Variants in NTNG2 observed in about 807,000 individuals in gnomAD.
The protein encoded by NTNG2 is netrin G2.
Under a neutral mutation model 47.6 loss-of-function variants are expected in NTNG2, and 15 were observed. The observed-to-expected ratio is 0.32, with a 90% CI of 0.21 to 0.49. NTNG2 has a LOEUF of 0.49. NTNG2 is among the 20% of genes least tolerant of loss of function. NTNG2 has a pLI of 0.99. For synonymous variants in NTNG2, 307 were observed against 324.6 expected, an observed-to-expected ratio of 0.95 and a Z score of 0.58; for missense variants, 578 against 764.6, an observed-to-expected ratio of 0.76 and a Z score of 2.88.
In NTNG2 at chr9:132,166,588, G is replaced by C; in HGVS notation, c.-244G>C. 1 of 550,168 alleles carries C rather than the reference G, an allele frequency of 1.8e-6. No homozygotes were observed. Among genetic ancestry groups the C allele is most frequent in the South Asian group, 2.1e-5 (1 of 48,270 alleles). The allele number at this position is 550,168 out of a possible 1,614,324, so 34.1% of individuals were successfully genotyped here. ...AGGGTTAGGAGGACGTGAAGTTATG[G>C]GCAACTTTCTGATCTGTCCATCAGC... On this transcript the variant is annotated 5_prime_UTR_variant, in exon 2 of 8. Transcript: ENST00000393229.
chr9:132,203,875 G>A (rs1370458556), intron 3 of NTNG2, among the ~76,000 whole-genome samples: 1 of 152,202 alleles, frequency 6.6e-6, no homozygotes, highest in Admixed American at 6.5e-5. Flanking sequence ...CTCCAGGAAG[G>A]CAGCCCAGCG....
intron 2 of NTNG2, among the ~76,000 whole-genome samples, chr9:132,188,804 G>A (rs4962057): frequency 0.036 from 5,460 of 152,212 alleles, 158 homozygotes; most frequent in Admixed American, 0.093. Flanking sequence ...CTCATTGAGC[G>A]TTCATTCATT....
At chr9:132,202,320 C>T (rs2130765485) in intron 3 of NTNG2, among the ~76,000 whole-genome samples, 1 of 152,206 alleles carries the variant, frequency 6.6e-6, no homozygotes, top group East Asian at 1.9e-4. Flanking sequence ...CAGCTGCAGC[C>T]AGCCCAGGGC....
chr9:132,220,851 G>T (rs1230118034), intron 3 of NTNG2, among the ~76,000 whole-genome samples: 1 of 151,842 alleles, frequency 6.6e-6, no homozygotes, highest in Admixed American at 6.6e-5. Context: ...CTTTTTACGT[G>T]GGTCTCCCAT....
intron 3 of NTNG2, among the ~76,000 whole-genome samples, chr9:132,224,663 G>C (rs1185556469): frequency 1.3e-5 from 2 of 152,168 alleles, no homozygotes; most frequent in African/African-American, 4.8e-5. Flanking sequence ...TAAACCCATT[G>C]CTCTGCAATT....
intron 3 of NTNG2, among the ~76,000 whole-genome samples, chr9:132,225,643 G>A (rs1218933581): frequency 6.6e-6 from 1 of 152,122 alleles, no homozygotes; most frequent in Non-Finnish European, 1.5e-5. Flanking sequence ...GTAAACATTA[G>A]TATCTAATAT....
At chr9:132,187,601 C>A (rs969649733) in intron 2 of NTNG2, among the ~76,000 whole-genome samples, 1 of 139,888 alleles carries the variant, frequency 7.1e-6, no homozygotes, top group Non-Finnish European at 1.6e-5. Flanking sequence ...GAGAGAGGGA[C>A]AGAAAACAAG....
At chr9:132,169,299 G>A (rs1361346038) in intron 2 of NTNG2, among the ~76,000 whole-genome samples, 4 of 152,260 alleles carry the variant, frequency 2.6e-5, no homozygotes, top group Admixed American at 1.3e-4. Context: ...CGATGAGGAC[G>A]GGGAGGCCGC....
intron 2 of NTNG2, among the ~76,000 whole-genome samples, chr9:132,194,890 C>T (rs1033413628): frequency 4.6e-5 from 7 of 152,216 alleles, no homozygotes; most frequent in African/African-American, 1.4e-4. Flanking sequence ...TGGTGGGGGC[C>T]GCGGGGCTGT....
In NTNG2 at chr9:132,236,162, A is replaced by C. The variant is rs1309102903; in HGVS notation, c.1055-2942A>C. Among the ~76,000 whole-genome samples the C allele has an allele frequency of 6.6e-6, 1 of 152,146 alleles. No individual in the cohort carries two copies. The highest frequency in any genetic ancestry group is 1.5e-5 in the Non-Finnish European group (1 of 68,008). ...TTCCTGCAGGAGCGGGGGCCATGAG[A>C]CCTCGGAGGGTGGACTGTGGTGGGT... On this transcript the variant is annotated intron_variant, in intron 5 of 7. Transcript: ENST00000393229. The surrounding 1 kb of genome is among the most constrained non-coding windows in gnomAD (Gnocchi z 4.3).
intron 3 of NTNG2, among the ~76,000 whole-genome samples, chr9:132,225,461 G>T (rs765782093): frequency 2.6e-5 from 4 of 152,030 alleles, no homozygotes; most frequent in Non-Finnish European, 5.9e-5. Context: ...GTAGAAACAG[G>T]ATCTTACTAT....
chr9:132,185,360 G>A lies in NTNG2; in HGVS notation c.214-12606G>A, dbSNP rs375337112. Among the ~76,000 whole-genome samples the A allele has an allele frequency of 2.1e-3, 318 of 152,296 alleles. 4 individuals are homozygous for A. Among genetic ancestry groups the A allele is most frequent in the African/African-American group, 7.0e-3 (292 of 41,540 alleles). ...CCAGGATCTGGGGAGGGGATCCGAG[G>A]AGAGGCAGCTACCAAGCGCCCCAGC... On this transcript the variant is annotated intron_variant, in intron 2 of 7. Coordinates refer to ENST00000393229, the MANE Select transcript of NTNG2 (RefSeq NM_032536.4).
At chr9:132,224,081 G>A (rs1176352893) in intron 3 of NTNG2, among the ~76,000 whole-genome samples, 7 of 151,826 alleles carry the variant, frequency 4.6e-5, no homozygotes, top group Non-Finnish European at 1.0e-4. Flanking sequence ...GTGGACTCCC[G>A]TGATGCCTTC....
At chr9:132,170,004 A>T (rs773352201) in intron 2 of NTNG2, among the ~76,000 whole-genome samples, 1 of 152,172 alleles carries the variant, frequency 6.6e-6, no homozygotes, top group Non-Finnish European at 1.5e-5. Context: ...TGGCGGCCAG[A>T]TGCCCACTGC....
At chr9:132,199,012 C>T (rs1838539786) in intron 3 of NTNG2, among the ~76,000 whole-genome samples, 1 of 152,120 alleles carries the variant, frequency 6.6e-6, no homozygotes, top group Non-Finnish European at 1.5e-5. Context: ...TTACCTAGCA[C>T]CTGGGACATT....
In NTNG2 at chr9:132,198,102, G is replaced by C. The variant is rs370335313; in HGVS notation, c.350G>C (p.Ser117Thr). ...AGCATCACCTGGAGCCGCTACCCCA[G>C]CCCGCTGGAAGCCAACATCACCCTT... ...WQSITWSRYPSPLEANITLSW... is the reference protein window; with the variant it reads ...WQSITWSRYPTPLEANITLSW... The change falls in exon 3 of 8, where the codon AGC becomes ACC. Residue 117 changes from serine to threonine, a missense_variant. By Grantham distance (58) the Ser-to-Thr change is moderately conservative (BLOSUM62 1). Transcript: ENST00000393229. The C allele has an allele frequency of 3.7e-6, 6 of 1,613,922 alleles. No individual in the cohort carries two copies. The highest frequency in any genetic ancestry group is 4.2e-6 in the Non-Finnish European group (5 of 1,180,022).
At position 132,226,084 on chromosome 9, in the gene NTNG2, A is replaced by G. The variant is rs1840732694; in HGVS notation, c.858-765A>G. Among the ~76,000 whole-genome samples the G allele has an allele frequency of 6.6e-6, 1 of 152,158 alleles. No individual in the cohort carries two copies. The highest frequency in any genetic ancestry group is 1.5e-5 in the Non-Finnish European group (1 of 68,030). ...GGGAAGTTCTGGGCTGGTGCGGCTCAGTGCCTGGAGCTATGCATTCATCAG... is the reference window on the plus strand; with the variant it reads ...GGGAAGTTCTGGGCTGGTGCGGCTCGGTGCCTGGAGCTATGCATTCATCAG... On this transcript the variant is annotated intron_variant, in intron 3 of 7. Coordinates refer to ENST00000393229, the MANE Select transcript of NTNG2 (RefSeq NM_032536.4). The surrounding 1 kb of genome is among the most constrained non-coding windows in gnomAD (Gnocchi z 4.8).
At chr9:132,239,703 G>T (rs1841863094) in intron 6 of NTNG2, among the ~76,000 whole-genome samples, 1 of 152,238 alleles carries the variant, frequency 6.6e-6, no homozygotes, top group Non-Finnish European at 1.5e-5. Context: ...CCCTCCTCCT[G>T]CAGGGGCCCA....
intron 2 of NTNG2, among the ~76,000 whole-genome samples, chr9:132,181,438 A>C (rs965650285): frequency 3.3e-5 from 5 of 151,302 alleles, no homozygotes; most frequent in African/African-American, 1.2e-4. Context: ...CTCCTTCCTC[A>C]GCCTCCCAAG....
Sources: gnomAD v4.1 joint callset for allele counts (sites outside exome capture counted in the v4.1 genomes callset) on GRCh38, gnomAD v4.1.1 for gene constraint, Gnocchi (gnomAD v3.1) non-coding constraint, MANE v1.5 for transcripts, NCBI Gene and HGNC (gene_info 2026-07-23, HGNC 2026-07-21) for gene names.